MACROD2: variants seen among roughly 807,000 people sequenced by gnomAD.
The protein encoded by MACROD2 is ADP-ribose glycohydrolase MACROD2.
Under a neutral mutation model 70.4 loss-of-function variants are expected in MACROD2, and 36 were observed. The ratio of observed to expected loss-of-function variants is 0.51; its 90% CI spans 0.39 to 0.68. MACROD2 has a LOEUF of 0.68. MACROD2 is among the 30% of genes least tolerant of loss of function. The pLI, the probability that MACROD2 is intolerant of heterozygous loss-of-function variation, is 0.00. For missense variants in MACROD2, 496 were observed against 538.4 expected (o/e 0.92, Z 0.78); for synonymous variants, 172 against 178.8 (o/e 0.96, Z 0.30).
chr20:14,070,986 C>A (rs1326377368), intron 2 of MACROD2, among the ~76,000 whole-genome samples: 1 of 152,096 alleles, frequency 6.6e-6, no homozygotes, highest in Non-Finnish European at 1.5e-5. Flanking sequence ...CAAAAAAACC[C>A]TTCCAAAACA....
intron 4 of MACROD2, among the ~76,000 whole-genome samples, chr20:14,611,537 C>G (rs1983171729): frequency 7.3e-6 from 1 of 137,700 alleles, no homozygotes; most frequent in African/African-American, 2.8e-5. Flanking sequence ...ATACATAATT[C>G]AAAACAAAGA....
intron 8 of MACROD2, among the ~76,000 whole-genome samples, chr20:15,513,584 G>A (rs537857704): frequency 4.1e-4 from 63 of 152,288 alleles, no homozygotes; most frequent in African/African-American, 1.2e-3. Flanking sequence ...GTGCGTGCAC[G>A]TGTGTGAGAC....
intron 3 of MACROD2, among the ~76,000 whole-genome samples, chr20:14,256,381 TGTA>T (rs902961879): frequency 1.3e-5 from 2 of 152,196 alleles, no homozygotes; most frequent in African/African-American, 4.8e-5. Flanking sequence ...GTTATTTTAT[TGTA>T]GTATTTTTCT....
At chr20:15,585,396 C>T (rs2048584693) in intron 8 of MACROD2, among the ~76,000 whole-genome samples, 1 of 151,974 alleles carries the variant, frequency 6.6e-6, no homozygotes, top group African/African-American at 2.4e-5. Flanking sequence ...CAGGATTTTA[C>T]CATGCTGCCC....
chr20:15,949,797 T>C (rs2065880337), intron 12 of MACROD2, among the ~76,000 whole-genome samples: 1 of 152,162 alleles, frequency 6.6e-6, no homozygotes, highest in Admixed American at 6.6e-5. Context: ...ACCAGCACAA[T>C]TTTTAGAGTG....
intron 6 of MACROD2, among the ~76,000 whole-genome samples, chr20:15,353,635 A>G (rs1344113724): frequency 1.3e-5 from 2 of 151,588 alleles, no homozygotes; most frequent in Non-Finnish European, 2.9e-5. Flanking sequence ...AGAATCTACA[A>G]TGAACTCAAA....
At chr20:14,072,465 A>G (rs1304179002) in intron 2 of MACROD2, among the ~76,000 whole-genome samples, 2 of 126,712 alleles carry the variant, frequency 1.6e-5, no homozygotes, top group Admixed American at 7.8e-5. Flanking sequence ...GATTAACATC[A>G]TGGGCTGCCT....
chr20:14,296,059 GA>G (rs1181461440), intron 3 of MACROD2, among the ~76,000 whole-genome samples: 1 of 151,810 alleles, frequency 6.6e-6, no homozygotes, highest in Admixed American at 6.6e-5. Flanking sequence ...TAGCTAGAAG[GA>G]CATGTAAATA....
chr20:15,134,185 G>A (rs866015266), intron 5 of MACROD2, among the ~76,000 whole-genome samples: 5 of 144,976 alleles, frequency 3.4e-5, no homozygotes, highest in Admixed American at 6.8e-5. Context: ...GATTACAGGC[G>A]TGAGCCACCG....
chr20:14,596,762 CTTT>C (rs1452848400), intron 4 of MACROD2, among the ~76,000 whole-genome samples: 2 of 152,150 alleles, frequency 1.3e-5, no homozygotes, highest in African/African-American at 4.8e-5. Context: ...TGCTCAACTT[CTTT>C]GAGATTAAGT....
At chr20:15,330,761 G>A (rs532195531) in intron 6 of MACROD2, among the ~76,000 whole-genome samples, 10 of 151,656 alleles carry the variant, frequency 6.6e-5, no homozygotes, top group East Asian at 3.9e-4. Context: ...AATTCAAACT[G>A]GGCTGTTAAG....
chr20:14,250,486 A>G (rs1032690066), intron 3 of MACROD2, among the ~76,000 whole-genome samples: 1 of 152,178 alleles, frequency 6.6e-6, no homozygotes, highest in Admixed American at 6.6e-5. Flanking sequence ...AGTGGATTGG[A>G]AAATACCCTT....
At chr20:14,664,628 T>C (rs975911348) in intron 4 of MACROD2, among the ~76,000 whole-genome samples, 2 of 152,034 alleles carry the variant, frequency 1.3e-5, no homozygotes, top group African/African-American at 4.8e-5. Flanking sequence ...CTCAACCTCT[T>C]TTATTCCCCT....
chr20:14,090,553 A>G (rs2054134550), intron 3 of MACROD2, among the ~76,000 whole-genome samples: 1 of 140,524 alleles, frequency 7.1e-6, no homozygotes, highest in South Asian at 2.5e-4. Context: ...AGCCTAGGCA[A>G]CAGAGCAAGA....
intron 6 of MACROD2, among the ~76,000 whole-genome samples, chr20:15,378,747 G>C (rs1310914106): frequency 6.6e-6 from 1 of 151,914 alleles, no homozygotes; most frequent in Admixed American, 6.6e-5. Context: ...TGAAACTTTA[G>C]TGCAAATCAA....
chr20:15,156,345 C>T (rs2076306725), intron 5 of MACROD2, among the ~76,000 whole-genome samples: 1 of 152,136 alleles, frequency 6.6e-6, no homozygotes, highest in Admixed American at 6.6e-5. Flanking sequence ...GAAAAAAAAG[C>T]TTTAAAAATG....
intron 3 of MACROD2, among the ~76,000 whole-genome samples, chr20:14,240,777 A>C (rs2081922213): frequency 6.6e-6 from 1 of 152,202 alleles, no homozygotes; most frequent in Non-Finnish European, 1.5e-5. Context: ...TCAGTACACT[A>C]AATGCTCATG....
chr20:14,496,015 C>T (rs919228704), intron 4 of MACROD2, among the ~76,000 whole-genome samples: 1 of 152,092 alleles, frequency 6.6e-6, no homozygotes, highest in African/African-American at 2.4e-5. Flanking sequence ...TTTTGGAAAG[C>T]TGCATTTAAA....
chr20:14,698,538 G>A (rs547157842), intron 5 of MACROD2, among the ~76,000 whole-genome samples: 1 of 151,424 alleles, frequency 6.6e-6, no homozygotes, highest in African/African-American at 2.4e-5. Flanking sequence ...CTATCTTCTT[G>A]CCCTGCTTTG....
Sources: allele counts gnomAD v4.1 joint callset (sites outside exome capture counted in the v4.1 genomes callset), GRCh38; gene constraint gnomAD v4.1.1; transcripts MANE v1.5; gene names NCBI Gene and HGNC (gene_info 2026-07-23, HGNC 2026-07-21).